Variants in ABCG1 observed in about 807,000 individuals in gnomAD.
The protein encoded by ABCG1 is ATP-binding cassette sub-family G member 1.
A neutral mutation model predicts 69.2 loss-of-function variants in ABCG1; 29 were observed. That is an observed-to-expected ratio of 0.42 (90% confidence interval 0.31 to 0.57). The LOEUF is 0.57. ABCG1 is among the 20% of genes least tolerant of loss of function. ABCG1 has a pLI of 0.15. For missense variants in ABCG1, 718 were observed against 898.1 expected, an observed-to-expected ratio of 0.80 and a Z score of 2.56; for synonymous variants, 370 against 374.8, an observed-to-expected ratio of 0.99 and a Z score of 0.15.
chr21:42,202,109 C>T (rs1250632822), intron 2 of ABCG1, among the ~76,000 whole-genome samples: 3 of 152,210 alleles, frequency 2.0e-5, no homozygotes, highest in Admixed American at 6.5e-5. Context: ...CGTTTACCCA[C>T]GGATGGATCC....
intron 14 of ABCG1, chr21:42,294,886 C>T (rs916325491): frequency 7.6e-6 from 4 of 524,444 alleles, no homozygotes; most frequent in East Asian, 3.4e-5. Flanking sequence ...GCTTCACACC[C>T]GGAGAGCCAT....
intron 4 of ABCG1, among the ~76,000 whole-genome samples, chr21:42,274,335 G>A (rs921117845): frequency 3.3e-5 from 5 of 152,208 alleles, no homozygotes; most frequent in South Asian, 2.1e-4. Flanking sequence ...AGTATTTGGG[G>A]AAGTTTAAAA....
intron 7 of ABCG1, 46 bp from the exon 8 acceptor site, chr21:42,285,834 C>A: frequency 7.2e-7 from 1 of 1,393,898 alleles, no homozygotes; most frequent in Non-Finnish European, 1.0e-6. Flanking sequence ...GGTTGCCTTC[C>A]GAGGAAGGCA....
intron 2 of ABCG1, among the ~76,000 whole-genome samples, chr21:42,250,611 C>T (rs1160998730): frequency 6.6e-6 from 1 of 152,240 alleles, no homozygotes; most frequent in Non-Finnish European, 1.5e-5. Context: ...GGTGGCCGCT[C>T]ATGGTCATTG....
At chr21:42,226,634 T>C (rs1012893449) in intron 2 of ABCG1, among the ~76,000 whole-genome samples, 1 of 152,208 alleles carries the variant, frequency 6.6e-6, no homozygotes, top group African/African-American at 2.4e-5. Flanking sequence ...TGGTGTGTTT[T>C]TTTCAAGCCT....
intron 2 of ABCG1, chr21:42,256,352 G>T: frequency 6.5e-7 from 1 of 1,550,322 alleles, no homozygotes; most frequent in Non-Finnish European, 8.7e-7. Context: ...CCGGGACATG[G>T]TCAGGAGAGG....
chr21:42,262,581 G>A (rs2068431894), intron 2 of ABCG1, among the ~76,000 whole-genome samples: 1 of 152,184 alleles, frequency 6.6e-6, no homozygotes, highest in Non-Finnish European at 1.5e-5. Flanking sequence ...ATTCTGGATT[G>A]AGCTGACTGT....
At position 42,277,083 on chromosome 21, in the gene ABCG1, G is replaced by A. The variant is rs2068724994; in HGVS notation, c.588+138G>A. The A allele has an allele frequency of 7.7e-6, 7 of 908,690 alleles. No individual in the cohort carries two copies. The Middle Eastern group carries it at 6.7e-4, about 87-fold the overall frequency. 56.3% of individuals were successfully genotyped at this position (908,690 alleles called of 1,614,324 possible). On this transcript the variant is annotated intron_variant, in intron 5 of 14. Coordinates refer to ENST00000398449, the MANE Select transcript of ABCG1 (RefSeq NM_016818.3). ...GCCTTGCCTTCCGTGTGTGGGACAG[G>A]CAACATTTCAGGGAGTGCTGTGGCC... is the stretch of plus-strand genomic sequence containing the variant.
rs768323356 is a variant in ABCG1 at position 42,282,434 on chromosome 21, T to A, written c.734+15T>A. 1.2e-6 allele frequency: 2 copies of A among 1,605,918 alleles called. No individual in the cohort carries two copies. The highest frequency in any genetic ancestry group is 1.7e-6 in the Non-Finnish European group (2 of 1,174,128). ...GAGCCCACCAGGTAAGTCAGGAGCA[T>A]CTGAGCTGGTGTCCAGGGGCAGGAA... On this transcript the variant is annotated intron_variant, in intron 6 of 14. Transcript: ENST00000398449.
Position 42,225,656 on chromosome 21 carries a change from C to T in ABCG1, c.43-15C>T. ...AGCTTATAACAGGTCTTGTTGCTTC[C>T]TCTGGTTTTTCTAGAATGCCAGCAG... On this transcript the variant is annotated splice_polypyrimidine_tract_variant and intron_variant, in intron 1 of 14. Coordinates refer to ENST00000398449, the MANE Select transcript of ABCG1 (RefSeq NM_016818.3). The T allele has an allele frequency of 6.2e-7, 1 of 1,610,934 alleles. No homozygotes were observed. The highest frequency in any genetic ancestry group is 1.1e-5 in the South Asian group (1 of 91,026).
At chr21:42,279,145 A>C (rs542122034) in intron 5 of ABCG1, among the ~76,000 whole-genome samples, 1 of 152,126 alleles carries the variant, frequency 6.6e-6, no homozygotes, top group Admixed American at 6.5e-5. Flanking sequence ...GAGGTCCCAA[A>C]GACCCCTCCA....
At chr21:42,255,927 T>G (rs909712249) in intron 2 of ABCG1, among the ~76,000 whole-genome samples, 2 of 152,080 alleles carry the variant, frequency 1.3e-5, no homozygotes, top group African/African-American at 2.4e-5. Context: ...TTTGGGAACT[T>G]TTGTTATTGG....
intron 2 of ABCG1, among the ~76,000 whole-genome samples, chr21:42,269,029 G>A (rs954495363): frequency 6.6e-6 from 1 of 152,184 alleles, no homozygotes; most frequent in Non-Finnish European, 1.5e-5. Context: ...GAGGGAGAGA[G>A]GCTTCTCAGA....
chr21:42,211,108 T>G (rs977730197), upstream of ABCG1, among the ~76,000 whole-genome samples: 2 of 152,078 alleles, frequency 1.3e-5, no homozygotes, highest in Non-Finnish European at 2.9e-5. Context: ...TACAGGCATG[T>G]GCTACCACAT....
intron 2 of ABCG1, among the ~76,000 whole-genome samples, chr21:42,208,846 C>T (rs1450766640): frequency 6.6e-6 from 1 of 152,114 alleles, no homozygotes; most frequent in East Asian, 1.9e-4. Flanking sequence ...TAGGGAGTTG[C>T]AGGACCTGAG....
At chr21:42,260,018 C>A in intron 2 of ABCG1, 7 of 1,547,636 alleles carry the variant, frequency 4.5e-6, no homozygotes, top group Non-Finnish European at 6.1e-6. Flanking sequence ...CGTGGTCAGT[C>A]CAAGTCCAGG....
chr21:42,217,891 TC>T (rs1001725650), upstream of ABCG1, among the ~76,000 whole-genome samples: 1 of 151,794 alleles, frequency 6.6e-6, no homozygotes, highest in Non-Finnish European at 1.5e-5. Flanking sequence ...CGGGGTTTCA[TC>T]ATGTTAGCCA....
Position 42,280,078 on chromosome 21 carries a change from T to TC in ABCG1, c.589-2192dup, listed in dbSNP as rs1451870412. 2.0e-5 allele frequency among the ~76,000 whole-genome samples: 3 copies of TC among 152,266 alleles called. No homozygotes were observed. In the East Asian group the frequency reaches 5.8e-4, roughly 29 times the overall value. ...CTGGATTGAACAATGCAGAGAGCCC[T>TC]CCCCACAGGACCTGGAGGCCACGCT... On this transcript the variant is annotated intron_variant, in intron 5 of 14. Coordinates refer to ENST00000398449, the MANE Select transcript of ABCG1 (RefSeq NM_016818.3).
At chr21:42,210,962 T>TC (rs1299811252) in intron 2 of ABCG1, among the ~76,000 whole-genome samples, 36 of 143,366 alleles carry the variant, frequency 2.5e-4, no homozygotes, top group South Asian at 2.1e-3. Flanking sequence ...CTTTCTTCTT[T>TC]TTTTTTTTTT....
Sources: gnomAD v4.1 joint callset for allele counts (sites outside exome capture counted in the v4.1 genomes callset) on GRCh38, gnomAD v4.1.1 for gene constraint, MANE v1.5 for transcripts, NCBI Gene and HGNC (gene_info 2026-07-23, HGNC 2026-07-21) for gene names.